The following HS6ST3 variants were observed in gnomAD, a reference collection of about 807,000 sequenced individuals.
HS6ST3 encodes heparan-sulfate 6-O-sulfotransferase 3.
In HS6ST3, 12 loss-of-function variants were observed where a neutral mutation model predicts 36.7. That is an observed-to-expected ratio of 0.33 (90% CI 0.21 to 0.53). The LOEUF (loss-of-function observed/expected upper bound fraction) is 0.53, where lower values mean the gene tolerates loss of function less well. Among genes scored for constraint, HS6ST3 ranks in the 20% least tolerant of loss-of-function variants. The pLI is 0.95. For synonymous variants in HS6ST3, 240 were observed against 257.5 expected (o/e 0.93, Z 0.65); for missense variants, 584 against 640.9 (o/e 0.91, Z 0.96).
chr13:96,350,216 A>G (rs2055174995), intron 1 of HS6ST3, among the ~76,000 whole-genome samples: 1 of 152,212 alleles, frequency 6.6e-6, no homozygotes, highest in Non-Finnish European at 1.5e-5. Flanking sequence ...AATTTTCCAC[A>G]TCTATTGTTT....
chr13:96,806,776 T>C (rs1436355267), intron 1 of HS6ST3, among the ~76,000 whole-genome samples: 2 of 152,170 alleles, frequency 1.3e-5, no homozygotes, highest in Non-Finnish European at 2.9e-5. Flanking sequence ...TATGAATCAG[T>C]TTAATGTTGA....
chr13:96,162,667 A>G (rs1262487724), intron 1 of HS6ST3, among the ~76,000 whole-genome samples: 1 of 152,204 alleles, frequency 6.6e-6, no homozygotes, highest in Non-Finnish European at 1.5e-5. Flanking sequence ...TTGTTGTACT[A>G]TGTGGTTTAA....
chr13:96,467,889 G>A (rs2055821934), intron 1 of HS6ST3, among the ~76,000 whole-genome samples: 1 of 152,144 alleles, frequency 6.6e-6, no homozygotes, highest in African/African-American at 2.4e-5. Flanking sequence ...TACACGTGTG[G>A]CATTCAACTT....
At chr13:96,743,028 C>T (rs1400225933) in intron 1 of HS6ST3, among the ~76,000 whole-genome samples, 1 of 151,986 alleles carries the variant, frequency 6.6e-6, no homozygotes. Context: ...TTCCTGTCCT[C>T]CTAGGATAAA....
intron 1 of HS6ST3, among the ~76,000 whole-genome samples, chr13:96,310,643 C>T (rs891518660): frequency 7.6e-6 from 1 of 131,012 alleles, no homozygotes; most frequent in Non-Finnish European, 1.6e-5. Flanking sequence ...CTCCCTCCTT[C>T]TCTATGTCCC....
intron 1 of HS6ST3, among the ~76,000 whole-genome samples, chr13:96,620,430 C>T (rs187768671): frequency 1.3e-5 from 2 of 152,252 alleles, no homozygotes; most frequent in East Asian, 3.9e-4. Context: ...GTGTGATTTT[C>T]CTCAATGTGC....
intron 1 of HS6ST3, among the ~76,000 whole-genome samples, chr13:96,471,871 T>A (rs2055841623): frequency 6.6e-6 from 1 of 152,180 alleles, no homozygotes; most frequent in Non-Finnish European, 1.5e-5. Context: ...TATAACAACA[T>A]GCATCTATTT....
intron 1 of HS6ST3, among the ~76,000 whole-genome samples, chr13:96,689,532 C>G (rs990443333): frequency 6.6e-6 from 1 of 151,032 alleles, no homozygotes; most frequent in Non-Finnish European, 1.5e-5. Flanking sequence ...TAAGAGGGTC[C>G]CCCAAAATGT....
chr13:96,703,437 A>C (rs541761865), intron 1 of HS6ST3, among the ~76,000 whole-genome samples: 3 of 152,346 alleles, frequency 2.0e-5, no homozygotes, highest in Admixed American at 2.0e-4. Context: ...ATGGAGAATG[A>C]AAATAATGTT....
chr13:96,651,473 TC>T (rs1288053884), intron 1 of HS6ST3, among the ~76,000 whole-genome samples: 1 of 151,964 alleles, frequency 6.6e-6, no homozygotes, highest in African/African-American at 2.4e-5. Context: ...CCAGCTTGGC[TC>T]CCTTATGCAC....
At chr13:96,307,887 GA>G (rs2054921560) in intron 1 of HS6ST3, among the ~76,000 whole-genome samples, 4 of 152,058 alleles carry the variant, frequency 2.6e-5, no homozygotes, top group Admixed American at 2.6e-4. Context: ...GGGGGAAAAA[GA>G]AAACGGTTTT....
At position 96,117,434 on chromosome 13, in the gene HS6ST3, G is replaced by A. The variant is rs75311331; in HGVS notation, c.707+25865G>A. ...AAGAAAACCAGTTGTAATTGCGAAA[G>A]TATTTTAACACCAAAGAGGAAGAAC... On this transcript the variant is annotated intron_variant, in intron 1 of 1. Transcript: ENST00000376705. Among the ~76,000 whole-genome samples, 704 of 152,280 alleles carry A rather than the reference G, an allele frequency of 4.6e-3. 5 individuals are homozygous for A. Among genetic ancestry groups the A allele is most frequent in the African/African-American group, 0.016 (681 of 41,566 alleles).
At chr13:96,114,362 A>T (rs1338769315) in intron 1 of HS6ST3, among the ~76,000 whole-genome samples, 2 of 151,982 alleles carry the variant, frequency 1.3e-5, no homozygotes, top group African/African-American at 2.4e-5. Context: ...GTTGCCCAGG[A>T]TGGTCTCAAA....
intron 1 of HS6ST3, among the ~76,000 whole-genome samples, chr13:96,231,820 C>G (rs1167724527): frequency 1.3e-5 from 2 of 152,186 alleles, no homozygotes; most frequent in Non-Finnish European, 2.9e-5. Context: ...TAGATGAAGA[C>G]TGCTGATAGA....
intron 1 of HS6ST3, among the ~76,000 whole-genome samples, chr13:96,667,362 A>G (rs2056667454): frequency 6.6e-6 from 1 of 152,176 alleles, no homozygotes; most frequent in Non-Finnish European, 1.5e-5. Flanking sequence ...TGCCTTCTGG[A>G]AACTTCTATA....
intron 1 of HS6ST3, among the ~76,000 whole-genome samples, chr13:96,626,101 C>T (rs1024047579): frequency 2.0e-5 from 3 of 152,100 alleles, no homozygotes; most frequent in Non-Finnish European, 2.9e-5. Context: ...CTCCGCCTCC[C>T]AAAGTGCTGG....
intron 1 of HS6ST3, among the ~76,000 whole-genome samples, chr13:96,370,890 A>G (rs1466390872): frequency 2.0e-5 from 3 of 152,170 alleles, no homozygotes; most frequent in Admixed American, 6.6e-5. Context: ...GGAGCGAGAC[A>G]CCGTATCAAA....
intron 1 of HS6ST3, among the ~76,000 whole-genome samples, chr13:96,669,999 A>G (rs757968526): frequency 3.9e-5 from 6 of 152,152 alleles, no homozygotes; most frequent in African/African-American, 7.2e-5. Context: ...TTTTAAAGCC[A>G]TGAAATTGGA....
intron 1 of HS6ST3, among the ~76,000 whole-genome samples, chr13:96,156,600 G>A (rs1240806813): frequency 6.6e-6 from 1 of 152,156 alleles, no homozygotes; most frequent in East Asian, 1.9e-4. Context: ...GACAGTCAAA[G>A]GATGCAGCAG....
Sources: allele counts gnomAD v4.1 joint callset (sites outside exome capture counted in the v4.1 genomes callset), GRCh38; gene constraint gnomAD v4.1.1; transcripts MANE v1.5; gene names NCBI Gene and HGNC (gene_info 2026-07-23, HGNC 2026-07-21).